The following PCDH15 variants were observed in gnomAD, a reference collection of about 807,000 sequenced individuals.
The protein encoded by PCDH15 is protocadherin-15.
Under a neutral mutation model 178.5 loss-of-function variants are expected in PCDH15, and 129 were observed. The ratio of observed to expected loss-of-function variants is 0.72; its 90% CI spans 0.63 to 0.84. The LOEUF (loss-of-function observed/expected upper bound fraction) is 0.84. PCDH15 is among the 40% of genes least tolerant of loss of function. The pLI, the probability that PCDH15 is intolerant of heterozygous loss-of-function variation, is 0.00. For synonymous variants in PCDH15, 800 were observed against 732.0 expected (o/e 1.09, Z -1.50); for missense variants, 2,230 against 2,099.9 (o/e 1.06, Z -1.21).
chr10:54,825,750 A>T (rs1157823156), intron 3 of PCDH15, among the ~76,000 whole-genome samples: 1 of 152,108 alleles, frequency 6.6e-6, no homozygotes, highest in African/African-American at 2.4e-5. Flanking sequence ...TTTACAATTT[A>T]AATGTTCTTC....
At chr10:54,716,270 G>T (rs1184449010) in intron 1 of PCDH15, among the ~76,000 whole-genome samples, 1 of 152,118 alleles carries the variant, frequency 6.6e-6, no homozygotes, top group East Asian at 1.9e-4. Context: ...ATTAAAAAAG[G>T]ATTAGGTATA....
In PCDH15 at chr10:54,633,903, C is replaced by T. The variant is rs146097129; in HGVS notation, c.91+30269G>A. Among the ~76,000 whole-genome samples the T allele has an allele frequency of 4.1e-3, 623 of 152,202 alleles. 2 individuals are homozygous for T. Among genetic ancestry groups the T allele is most frequent in the African/African-American group, 0.014 (601 of 41,554 alleles). ...AGGAGTGTTTTAGAGAAAATGTCTT[C>T]TGACAGCATGGTTGTACACAAATCA... On this transcript the variant is annotated intron_variant, in intron 2 of 37. Coordinates refer to ENST00000644397, the MANE Select transcript of PCDH15 (RefSeq NM_001384140.1).
intron 3 of PCDH15, among the ~76,000 whole-genome samples, chr10:54,822,345 G>A (rs1382098699): frequency 2.0e-5 from 3 of 151,984 alleles, no homozygotes; most frequent in African/African-American, 4.8e-5. Flanking sequence ...CCTCCATGAG[G>A]TCAATTTTTT....
chr10:54,750,291 A>C (rs202223172), intron 1 of PCDH15, among the ~76,000 whole-genome samples: 61 of 112,518 alleles, frequency 5.4e-4, no homozygotes, highest in East Asian at 3.0e-3. Flanking sequence ...AACAGTAAAT[A>C]ATTAAAATTG....
At chr10:53,946,808 C>T (rs1352102552) in intron 23 of PCDH15, among the ~76,000 whole-genome samples, 2 of 152,178 alleles carry the variant, frequency 1.3e-5, no homozygotes, top group Non-Finnish European at 2.9e-5. Flanking sequence ...GACGGAGTCT[C>T]GCTCTATCGC....
At chr10:54,980,672 G>C (rs1012545220) in intron 2 of PCDH15, among the ~76,000 whole-genome samples, 1 of 151,750 alleles carries the variant, frequency 6.6e-6, no homozygotes, top group Non-Finnish European at 1.5e-5. Context: ...TTTACTTTCT[G>C]AGTATTTTCT....
intron 2 of PCDH15, among the ~76,000 whole-genome samples, chr10:55,413,288 A>G (rs893807412): frequency 6.6e-6 from 1 of 151,410 alleles, no homozygotes; most frequent in Non-Finnish European, 1.5e-5. Flanking sequence ...AATCCTGGCA[A>G]TAAAAAAAAA....
intron 26 of PCDH15, among the ~76,000 whole-genome samples, chr10:53,878,942 A>G (rs750556254): frequency 4.6e-5 from 7 of 152,184 alleles, no homozygotes; most frequent in Non-Finnish European, 7.4e-5. Flanking sequence ...AAAATAGGAC[A>G]TGCTGAATAA....
intron 3 of PCDH15, among the ~76,000 whole-genome samples, chr10:54,830,004 C>T (rs899271178): frequency 6.6e-6 from 1 of 152,072 alleles, no homozygotes; most frequent in Non-Finnish European, 1.5e-5. Flanking sequence ...TGGAAAGAGG[C>T]TTGCAGGAAG....
chr10:53,908,977 G>A (rs1247845202), intron 25 of PCDH15, among the ~76,000 whole-genome samples: 5 of 152,028 alleles, frequency 3.3e-5, no homozygotes, highest in African/African-American at 4.8e-5. Flanking sequence ...TAAGCTTTAC[G>A]GGTATATTAA....
Position 53,805,134 on chromosome 10 carries a change from C to T in PCDH15, c.*1445G>A, listed in dbSNP as rs1327443008. 6.6e-6 allele frequency: 1 copy of T among 151,886 alleles called. No individual in the cohort carries two copies. The highest frequency in any genetic ancestry group is 1.5e-5 in the Non-Finnish European group (1 of 67,916). 9.4% of individuals were successfully genotyped at this position (151,886 alleles called of 1,614,324 possible). ...AATGAGGAAATAGCATAATAATAAA[C>T]AATTTTTAAGACGCGAAACATGTAA... On this transcript the variant is annotated 3_prime_UTR_variant, in exon 38 of 38. Coordinates refer to ENST00000644397, the MANE Select transcript of PCDH15 (RefSeq NM_001384140.1).
intron 2 of PCDH15, among the ~76,000 whole-genome samples, chr10:55,443,731 C>G (rs1839249561): frequency 1.3e-5 from 2 of 152,090 alleles, no homozygotes. Context: ...TGTGGTGATT[C>G]CTCAAGGATC....
intron 8 of PCDH15, among the ~76,000 whole-genome samples, chr10:54,297,107 G>A (rs770274668): frequency 4.6e-5 from 7 of 152,048 alleles, no homozygotes; most frequent in South Asian, 2.1e-4. Flanking sequence ...CTGCTGCCAC[G>A]TCAGTGAGTG....
chr10:54,090,767 G>A (rs994195780), intron 15 of PCDH15, among the ~76,000 whole-genome samples: 1 of 151,698 alleles, frequency 6.6e-6, no homozygotes, highest in African/African-American at 2.4e-5. Context: ...CTAACTTTCT[G>A]GTTAAAAATC....
chr10:55,583,574 C>T (rs982283693), intron 2 of PCDH15, among the ~76,000 whole-genome samples: 4 of 152,266 alleles, frequency 2.6e-5, no homozygotes, highest in Admixed American at 2.6e-4. Context: ...GCTGGAATTA[C>T]AGGCATGTAC....
chr10:54,926,937 A>C (rs1365018860), intron 2 of PCDH15, among the ~76,000 whole-genome samples: 1 of 151,930 alleles, frequency 6.6e-6, no homozygotes, highest in African/African-American at 2.4e-5. Flanking sequence ...ATTTTTTTTT[A>C]ATCTATCTCA....
At chr10:54,711,519 TCATGTATCA>T (rs1345012016) in intron 1 of PCDH15, among the ~76,000 whole-genome samples, 6 of 151,888 alleles carry the variant, frequency 4.0e-5, no homozygotes, top group Non-Finnish European at 7.4e-5. Context: ...TCAAATCTGC[TCATGTATCA>T]CATGGATGAA....
intron 3 of PCDH15, among the ~76,000 whole-genome samples, chr10:54,411,474 C>T (rs1191317724): frequency 6.6e-6 from 1 of 152,158 alleles, no homozygotes. Context: ...AATCACAATT[C>T]TATCAGTCAC....
chr10:54,257,254 T>C (rs1011206594), intron 8 of PCDH15, among the ~76,000 whole-genome samples: 6 of 152,256 alleles, frequency 3.9e-5, no homozygotes, highest in African/African-American at 1.4e-4. Flanking sequence ...ACTCACCTAC[T>C]GAATTACTGA....
Sources: allele counts gnomAD v4.1 joint callset (sites outside exome capture counted in the v4.1 genomes callset), GRCh38; gene constraint gnomAD v4.1.1; transcripts MANE v1.5; gene names NCBI Gene and HGNC (gene_info 2026-07-23, HGNC 2026-07-21).